The following EPB41L2 variants were observed in gnomAD, a reference collection of about 807,000 sequenced individuals.
The protein encoded by EPB41L2 is band 4.1-like protein 2.
Under a neutral mutation model 113.0 loss-of-function variants are expected in EPB41L2, and 43 were observed. The ratio of observed to expected loss-of-function variants is 0.38; its 90% CI spans 0.30 to 0.49. The LOEUF is 0.49. Among genes scored for constraint, EPB41L2 ranks in the 20% least tolerant of loss-of-function variants. The probability of loss-of-function intolerance (pLI) is 0.95; values close to 1 mark genes in which losing one functional copy is unlikely to be tolerated. For synonymous variants in EPB41L2, 442 were observed against 436.7 expected (o/e 1.01, Z -0.15); for missense variants, 1,147 against 1,223.4 (o/e 0.94, Z 0.93).
At position 130,924,490 on chromosome 6, in the gene EPB41L2, T is replaced by C. The variant is rs569262853; in HGVS notation, c.810+2115A>G. 2.0e-5 allele frequency among the ~76,000 whole-genome samples: 3 copies of C among 152,166 alleles called. No homozygotes were observed. In the South Asian group the frequency reaches 6.3e-4, roughly 32 times the overall value. On this transcript the variant is annotated intron_variant, in intron 4 of 19. Transcript: ENST00000337057. ...ACCTCCCGGGTTCAAACGATTCTCC[T>C]GCCTCAGCATCCCAAGTAGCTGGGA...
chr6:130,894,818 A>T (rs922346444), intron 9 of EPB41L2, 149 bp downstream of exon 9: 2 of 896,624 alleles, frequency 2.2e-6, no homozygotes, highest in Non-Finnish European at 3.2e-6. Context: ...TATATACTGC[A>T]ATTTTACCAT....
At chr6:131,007,387 C>CT (rs1284424098) in intron 1 of EPB41L2, among the ~76,000 whole-genome samples, 2 of 152,166 alleles carry the variant, frequency 1.3e-5, no homozygotes, top group South Asian at 2.1e-4. Context: ...AATTAAACTT[C>CT]TTTTTTTTAA....
intron 1 of EPB41L2, among the ~76,000 whole-genome samples, chr6:130,971,663 C>T (rs1479915974): frequency 1.3e-5 from 2 of 152,168 alleles, no homozygotes; most frequent in African/African-American, 2.4e-5. Flanking sequence ...TGGTTTGCAA[C>T]TGAAAACTTA....
At position 130,989,894 on chromosome 6, in the gene EPB41L2, C is replaced by A. The variant is rs1308720593; in HGVS notation, c.-14-33395G>T. 4.6e-5 allele frequency among the ~76,000 whole-genome samples: 7 copies of A among 152,138 alleles called. No homozygotes were observed. In the East Asian group the frequency reaches 1.3e-3, roughly 29 times the overall value. On this transcript the variant is annotated intron_variant, in intron 1 of 19. Coordinates refer to ENST00000337057, the MANE Select transcript of EPB41L2 (RefSeq NM_001431.4). ...GAGCAAGGGAAAGCTAAAGAAAGAA[C>A]AATTAGAAATGGGACAGTAAAGCCA...
At position 131,045,706 on chromosome 6, in the gene EPB41L2, G is replaced by T. The variant is rs947614715; in HGVS notation, c.-15+17449C>A. 5.3e-5 allele frequency among the ~76,000 whole-genome samples: 8 copies of T among 152,070 alleles called. 1 individual carries two copies. Among genetic ancestry groups the T allele is most frequent in the African/African-American group, 1.9e-4 (8 of 41,412 alleles). ...TTTTGTAGCTAATAAGACAATCTAGGAACAGCTTACTCGGTTTCCCTATAA... is the reference window on the plus strand; with the variant it reads ...TTTTGTAGCTAATAAGACAATCTAGTAACAGCTTACTCGGTTTCCCTATAA... On this transcript the variant is annotated intron_variant, in intron 1 of 19. Transcript: ENST00000337057.
rs544851069 is a variant in EPB41L2, at chr6:130,915,025, C to T, written c.811-6162G>A. On this transcript the variant is annotated intron_variant, in intron 4 of 19. Transcript: ENST00000337057. The stretch of plus-strand genomic sequence containing the variant: ...TATCAAGTATTGTTAAATCACCGGC[C>T]GGGCGCGGTGGCTCACGCCTGTAAT... 2.4e-3 allele frequency among the ~76,000 whole-genome samples: 370 copies of T among 152,228 alleles called. 2 individuals carry two copies. Among genetic ancestry groups the T allele is most frequent in the Non-Finnish European group, 3.6e-3 (245 of 68,012 alleles).
At chr6:130,870,246 G>T in intron 14 of EPB41L2, 120 bp from the exon 15 acceptor site, 2 of 1,529,760 alleles carry the variant, frequency 1.3e-6, no homozygotes, top group Non-Finnish European at 1.8e-6. Flanking sequence ...GATTATGATG[G>T]CTGACTGAAA....
chr6:130,863,842 C>T, intron 17 of EPB41L2, 124 bp from the exon 18 acceptor site: 1 of 582,762 alleles, frequency 1.7e-6, no homozygotes, highest in East Asian at 2.9e-5. Context: ...ACACAACAAG[C>T]AGCAAAAGAC....
intron 1 of EPB41L2, among the ~76,000 whole-genome samples, chr6:130,981,458 G>A (rs190737242): frequency 1.3e-5 from 2 of 152,276 alleles, no homozygotes; most frequent in East Asian, 3.9e-4. Flanking sequence ...TAAAAGACAA[G>A]ATAATGAAGA....
intron 3 of EPB41L2, among the ~76,000 whole-genome samples, chr6:130,933,582 C>T (rs1807685920): frequency 6.6e-6 from 1 of 151,688 alleles, no homozygotes; most frequent in African/African-American, 2.4e-5. Context: ...TAGATACCCA[C>T]AAAAGAGAGA....
At position 130,953,089 on chromosome 6, in the gene EPB41L2, T is replaced by C. The variant is rs546503697; in HGVS notation, c.705+2016A>G. ...TGAAGAAACTGAGGTCTACAGAGGT[T>C]GAGCAAATGACTTAAGGTCACATTA... is the stretch of plus-strand genomic sequence containing the variant. On this transcript the variant is annotated intron_variant, in intron 3 of 19. Transcript: ENST00000337057. 4.6e-5 allele frequency among the ~76,000 whole-genome samples: 7 copies of C among 150,984 alleles called. No individual in the cohort carries two copies. In the East Asian group the frequency reaches 1.4e-3, roughly 29 times the overall value.
At chr6:130,890,146 TGTAA>T (rs752320341) in intron 11 of EPB41L2, 144 bp downstream of exon 11, 128 of 688,102 alleles carry the variant, frequency 1.9e-4, no homozygotes, top group Non-Finnish European at 2.5e-4. Context: ...CTCTTGTAGG[TGTAA>T]GTAATAGCAT....
intron 1 of EPB41L2, among the ~76,000 whole-genome samples, chr6:130,986,988 T>A (rs1029494993): frequency 6.6e-6 from 1 of 152,232 alleles, no homozygotes; most frequent in African/African-American, 2.4e-5. Context: ...GATTCTTGTA[T>A]GTGGCCTTTT....
At chr6:131,018,636 C>A (rs1788771091) in intron 1 of EPB41L2, among the ~76,000 whole-genome samples, 1 of 152,148 alleles carries the variant, frequency 6.6e-6, no homozygotes, top group Admixed American at 6.6e-5. Flanking sequence ...ATATTTACTG[C>A]TAAATATTTT....
chr6:130,894,487 G>C (rs769752689), intron 9 of EPB41L2, 46 bp from the exon 10 acceptor site: 28 of 1,537,588 alleles, frequency 1.8e-5, no homozygotes, highest in Non-Finnish European at 2.5e-5. Flanking sequence ...CTTAAGAACT[G>C]ACTAGAAGTT....
intron 1 of EPB41L2, among the ~76,000 whole-genome samples, chr6:130,962,455 G>GT (rs1381737137): frequency 3.3e-5 from 5 of 152,142 alleles, no homozygotes; most frequent in African/African-American, 7.2e-5. Flanking sequence ...TCATATTCAA[G>GT]TAAGTATAAA....
At position 130,885,181 on chromosome 6, in the gene EPB41L2, C is replaced by T; in HGVS notation, c.1748G>A (p.Ser583Asn). 1 of 1,614,118 alleles carries T rather than the reference C, an allele frequency of 6.2e-7. No homozygotes were observed. Among genetic ancestry groups the T allele is most frequent in the Non-Finnish European group, 8.5e-7 (1 of 1,180,000 alleles). The change falls in exon 12 of 20, where the codon AGC becomes AAC. Residue 583 changes from serine to asparagine, a missense_variant. By Grantham distance (46) the Ser-to-Asn change is conservative (BLOSUM62 1). Transcript: ENST00000337057. ...EISAYGPGLV[S>N]IAVVQDGDGR... is the part of the protein sequence containing the mutation. ...GTCCCCATCTTGTACCACGGCAATG[C>T]TGACAAGTCCAGGTCCATAGGCTGA...
At position 130,954,040 on chromosome 6, in the gene EPB41L2, C is replaced by CTTTTTTTTTTTTTTTTTTT; in HGVS notation, c.705+1046_705+1064dup. Among the ~76,000 whole-genome samples the CTTTTTTTTTTTTTTTTTTT allele has an allele frequency of 1.8e-3, 106 of 58,858 alleles. 7 individuals carry two copies. The highest frequency in any genetic ancestry group is 2.3e-3 in the Admixed American group (8 of 3,546). The allele number at this position is 58,858 out of a possible 152,430, so 38.6% of individuals were successfully genotyped here. On this transcript the variant is annotated intron_variant, in intron 3 of 19. Coordinates refer to ENST00000337057, the MANE Select transcript of EPB41L2 (RefSeq NM_001431.4). ...TCCTCTTTTGCTAGTCCTTTTCTTT[C>CTTTTTTTTTTTTTTTTTTT]TTTTTTTTTTTTTTTTTTTTTTTTT... is the stretch of plus-strand genomic sequence containing the variant.
At chr6:130,934,627 C>T (rs1266729414) in intron 3 of EPB41L2, among the ~76,000 whole-genome samples, 1 of 152,000 alleles carries the variant, frequency 6.6e-6, no homozygotes, top group Admixed American at 6.6e-5. Flanking sequence ...TGCATGCCAC[C>T]ATGCCTGGCT....
Sources: allele counts gnomAD v4.1 joint callset (sites outside exome capture counted in the v4.1 genomes callset), GRCh38; gene constraint gnomAD v4.1.1; transcripts MANE v1.5; gene names NCBI Gene and HGNC (gene_info 2026-07-23, HGNC 2026-07-21).